Variants in SGSH observed in about 807,000 individuals in gnomAD.
The protein encoded by SGSH is N-sulfoglucosamine sulfohydrolase.
In SGSH, 48 loss-of-function variants were observed where a neutral mutation model predicts 51.0. That is an observed-to-expected ratio of 0.94 (90% CI 0.75 to 1.20). The LOEUF is 1.20. Among genes scored for constraint, SGSH ranks in the 50% most tolerant of loss-of-function variants. SGSH has a pLI of 0.00. For synonymous variants in SGSH, 321 were observed against 313.4 expected (o/e 1.02, Z -0.26); for missense variants, 662 against 717.8 (o/e 0.92, Z 0.89).
chr17:80,204,331 C>G, downstream of SGSH: 1 of 1,576,178 alleles, frequency 6.3e-7, no homozygotes, highest in Non-Finnish European at 8.7e-7. Flanking sequence ...TGGACCCCAG[C>G]AGGATGGAGG....
downstream of SGSH, chr17:80,203,131 G>C (rs1019950485): frequency 2.0e-5 from 3 of 152,142 alleles, no homozygotes; most frequent in African/African-American, 7.2e-5. This position sits in a 1 kb window ranked among gnomAD's most constrained non-coding sequence, Gnocchi z 4.6. Context: ...TTAGCTGGGC[G>C]TGGTGGCAGG....
At chr17:80,217,769 G>A (rs138059008) in intron 1 of SGSH, among the ~76,000 whole-genome samples, 130 of 152,024 alleles carry the variant, frequency 8.6e-4, no homozygotes, top group African/African-American at 3.0e-3. Context: ...GTATCCAGCA[G>A]GGATGATGCG....
chr17:80,220,040 C>T (rs2042083866), intron 1 of SGSH, 186 bp downstream of exon 1: 2 of 506,644 alleles, frequency 3.9e-6, no homozygotes, highest in South Asian at 5.6e-5. Flanking sequence ...CCTTTGCTGC[C>T]CTCTCTGGGG....
At chr17:80,219,161 CAA>C (rs11430982) in intron 1 of SGSH, among the ~76,000 whole-genome samples, 1,019 of 54,056 alleles carry the variant, frequency 0.019, 1 homozygote, top group Middle Eastern at 0.031. Context: ...CCCTGTCTCA[CAA>C]AAAAAAAAAA....
In SGSH at chr17:80,213,512, C is replaced by T. The variant is rs2041755852; in HGVS notation, c.745+292G>A. ...TCTGCATATGCTAAGGAACTCCAAA[C>T]CCCCAAATCTGACCCAGGTCCTGTG... On this transcript the variant is annotated intron_variant, in intron 6 of 7. Transcript: ENST00000326317. The surrounding 1 kb of genome is among the most constrained non-coding windows in gnomAD (Gnocchi z 4.6). 1 of 527,424 alleles carries T rather than the reference C, an allele frequency of 1.9e-6. No homozygotes were observed. Among genetic ancestry groups the T allele is most frequent in the Non-Finnish European group, 3.4e-6 (1 of 293,888 alleles). The allele number at this position is 527,424 out of a possible 1,614,324, so 32.7% of individuals were successfully genotyped here.
rs539937247 is a variant in SGSH at position 80,214,411 on chromosome 17, T to C, written c.507-83A>G. On this transcript the variant is annotated intron_variant, in intron 4 of 7. Coordinates refer to ENST00000326317, the MANE Select transcript of SGSH (RefSeq NM_000199.5). ...AGCCCCTCGGCTCTGCCTCCTCCTC[T>C]GTATCTGGAAGTCAACCTGTGACCC... is the stretch of plus-strand genomic sequence containing the variant. The C allele has an allele frequency of 3.3e-5, 49 of 1,490,620 alleles. No individual in the cohort carries two copies. In the African/African-American group the frequency reaches 6.4e-4, roughly 19 times the overall value. The allele number at this position is 1,490,620 out of a possible 1,614,324, so 92.3% of individuals were successfully genotyped here. A position where few individuals can be genotyped will look rare whatever the true frequency, so the allele number is the denominator to read the frequency against.
Position 80,212,283 on chromosome 17 carries a change from AG to A in SGSH, c.746-10del. The A allele has an allele frequency of 6.3e-7, 1 of 1,597,540 alleles. No individual in the cohort carries two copies. Among genetic ancestry groups the A allele is most frequent in the Non-Finnish European group, 8.5e-7 (1 of 1,172,456 alleles). The stretch of plus-strand genomic sequence containing the variant: ...GAGCACCAGTCCAACTCCTGTGGTG[AG>A]GGGCCGAGAAGCAGAGCTCAGCCGC... On this transcript the variant is annotated splice_polypyrimidine_tract_variant and intron_variant, in intron 6 of 7. Transcript: ENST00000326317. This position sits in a 1 kb window ranked among gnomAD's most constrained non-coding sequence, Gnocchi z 5.9.
In SGSH at chr17:80,215,147, A is replaced by G. The variant is rs2041840835; in HGVS notation, c.250-9T>C. 6.2e-7 allele frequency: 1 copy of G among 1,607,826 alleles called. No individual in the cohort carries two copies. The highest frequency in any genetic ancestry group is 8.5e-7 in the Non-Finnish European group (1 of 1,178,208). On this transcript the variant is annotated splice_polypyrimidine_tract_variant and intron_variant, in intron 2 of 7. Coordinates refer to ENST00000326317, the MANE Select transcript of SGSH (RefSeq NM_000199.5). Reference sequence around the variant, plus strand: ...TACATCCCATTCTGATGCTGCCAGCAAAGGCGCATGAGGTCCGGGGCCCCC... The same window carrying G: ...TACATCCCATTCTGATGCTGCCAGCGAAGGCGCATGAGGTCCGGGGCCCCC...
At chr17:80,208,578 G>A, downstream of SGSH, 1 of 482,636 alleles carries the variant, frequency 2.1e-6, no homozygotes, top group Non-Finnish European at 3.6e-6. Context: ...TACCAGGCTT[G>A]GCATGGTCTG....
chr17:80,213,757 G>A lies in SGSH; in HGVS notation c.745+47C>T. Reference sequence around the variant, plus strand: ...AAGAGGGCGCTGGCCCAGGATGGGGGACCCCGGCCGTGGCACCCCCTCCAG... The same window carrying A: ...AAGAGGGCGCTGGCCCAGGATGGGGAACCCCGGCCGTGGCACCCCCTCCAG... On this transcript the variant is annotated intron_variant, in intron 6 of 7. Transcript: ENST00000326317. The surrounding 1 kb of genome is among the most constrained non-coding windows in gnomAD (Gnocchi z 4.6). The A allele has an allele frequency of 1.3e-6, 2 of 1,498,498 alleles. No individual in the cohort carries two copies. The highest frequency in any genetic ancestry group is 3.8e-5 in the Admixed American group (2 of 51,962). The allele number at this position is 1,498,498 out of a possible 1,614,324, so 92.8% of individuals were successfully genotyped here. A position where few individuals can be genotyped will look rare whatever the true frequency, so the allele number is the denominator to read the frequency against.
At chr17:80,211,902 C>T in intron 7 of SGSH, 169 bp downstream of exon 7, 1 of 672,046 alleles carries the variant, frequency 1.5e-6, no homozygotes, top group Non-Finnish European at 2.7e-6. Context: ...TACTTCACCT[C>T]TCTGAGCCTC....
chr17:80,208,957 G>A (rs2041505168), downstream of SGSH: 1 of 152,274 alleles, frequency 6.6e-6, no homozygotes, highest in Admixed American at 6.5e-5. Flanking sequence ...AAGCCTCTGC[G>A]TGGTGGAGAC....
At position 80,214,815 on chromosome 17, in the gene SGSH, T is replaced by C. The variant is rs768549693; in HGVS notation, c.356-50A>G. ...AGAGTCCCTTCAGCCTCCCAACCCT[T>C]TCTGCTCCCTTCTCTGCCCCTCTCG... is the stretch of plus-strand genomic sequence containing the variant. On this transcript the variant is annotated intron_variant, in intron 3 of 7. Transcript: ENST00000326317. The C allele has an allele frequency of 4.4e-6, 7 of 1,594,240 alleles. No individual in the cohort carries two copies. In the South Asian group the frequency reaches 7.7e-5, roughly 18 times the overall value.
In SGSH at chr17:80,213,784, G is replaced by A; in HGVS notation, c.745+20C>T. 6.3e-7 allele frequency: 1 copy of A among 1,586,398 alleles called. No homozygotes were observed. ...CCCCGGCCGTGGCACCCCCTCCAGTGCCCGGTTCTGCAAGCCCACCTTGGT... is the reference window on the plus strand; with the variant it reads ...CCCCGGCCGTGGCACCCCCTCCAGTACCCGGTTCTGCAAGCCCACCTTGGT... On this transcript the variant is annotated intron_variant, in intron 6 of 7. Coordinates refer to ENST00000326317, the MANE Select transcript of SGSH (RefSeq NM_000199.5). The surrounding 1 kb of genome is among the most constrained non-coding windows in gnomAD (Gnocchi z 4.6).
chr17:80,213,888 G>T lies in SGSH; in HGVS notation c.664-3C>A. 6.2e-7 allele frequency: 1 copy of T among 1,604,672 alleles called. No homozygotes were observed. ...GTGTTGGGGACGAAGTAAGGCACCTGGGGCAGGCGGTGGGGAGCCAGGCTT... is the reference window on the plus strand; with the variant it reads ...GTGTTGGGGACGAAGTAAGGCACCTTGGGCAGGCGGTGGGGAGCCAGGCTT... On this transcript the variant is annotated splice_polypyrimidine_tract_variant and splice_region_variant and intron_variant, in intron 5 of 7. Coordinates refer to ENST00000326317, the MANE Select transcript of SGSH (RefSeq NM_000199.5). This position sits in a 1 kb window ranked among gnomAD's most constrained non-coding sequence, Gnocchi z 4.6.
At chr17:80,205,200 T>C, downstream of SGSH, 1 of 1,611,636 alleles carries the variant, frequency 6.2e-7, no homozygotes, top group Non-Finnish European at 8.5e-7. Flanking sequence ...AAGAAGTGCC[T>C]GGCAGGTATG....
downstream of SGSH, chr17:80,208,665 C>A: frequency 3.6e-6 from 1 of 278,336 alleles, no homozygotes; most frequent in East Asian, 6.6e-5. Flanking sequence ...ACCGGAGGCC[C>A]CGGACTTCTC....
Position 80,212,523 on chromosome 17 carries a change from T to C in SGSH, c.746-249A>G. On this transcript the variant is annotated intron_variant, in intron 6 of 7. Coordinates refer to ENST00000326317, the MANE Select transcript of SGSH (RefSeq NM_000199.5). This position sits in a 1 kb window ranked among gnomAD's most constrained non-coding sequence, Gnocchi z 5.9. ...GACTCCAGCCATCCCTTGGCACTTC[T>C]GTGTCACCCCCAGGCAGCTGCTCCC... 1 of 560,494 alleles carries C rather than the reference T, an allele frequency of 1.8e-6. No homozygotes were observed. The highest frequency in any genetic ancestry group is 3.1e-5 in the East Asian group (1 of 31,830). The allele number at this position is 560,494 out of a possible 1,614,324, so 34.7% of individuals were successfully genotyped here.
At chr17:80,214,535 C>T in intron 4 of SGSH, 80 bp downstream of exon 4, 1 of 1,471,500 alleles carries the variant, frequency 6.8e-7, no homozygotes, top group Non-Finnish European at 9.3e-7. Flanking sequence ...ACGTGGGGGC[C>T]CATGCATCCC....
Sources: gnomAD v4.1 joint callset for allele counts (sites outside exome capture counted in the v4.1 genomes callset) on GRCh38, gnomAD v4.1.1 for gene constraint, Gnocchi (gnomAD v3.1) non-coding constraint, MANE v1.5 for transcripts, NCBI Gene and HGNC (gene_info 2026-07-23, HGNC 2026-07-21) for gene names.